Variants in GALNT13 observed in about 807,000 individuals in gnomAD.
GALNT13 encodes UDP-GalNAc:polypeptide N-acetylgalactosaminyltransferase 13.
A neutral mutation model predicts 64.2 loss-of-function variants in GALNT13; 28 were observed. That is an observed-to-expected ratio of 0.44 (90% confidence interval 0.32 to 0.60). The LOEUF is 0.60. Ranked by LOEUF, GALNT13 falls within the 20% of genes least tolerant of loss-of-function variation. GALNT13 has a pLI of 0.05. For missense variants in GALNT13, 577 were observed against 669.8 expected, an observed-to-expected ratio of 0.86 and a Z score of 1.53; for synonymous variants, 214 against 224.6, an observed-to-expected ratio of 0.95 and a Z score of 0.42.
chr2:153,414,439 A>C, the GALNT13 span, among the ~76,000 whole-genome samples: 4 of 151,860 alleles, frequency 2.6e-5, no homozygotes, highest in Non-Finnish European at 5.9e-5. Context: ...AGATTTGATG[A>C]AATGGTGAGC....
the GALNT13 span, among the ~76,000 whole-genome samples, chr2:153,720,561 G>C: frequency 1.3e-5 from 2 of 149,100 alleles, no homozygotes; most frequent in Non-Finnish European, 3.0e-5. Context: ...TGAAAACTTT[G>C]AAAAAAATTT....
the GALNT13 span, among the ~76,000 whole-genome samples, chr2:153,082,253 T>A: frequency 0.99 from 151,213 of 152,052 alleles, 75,198 homozygotes; most frequent in Middle Eastern, 1. Flanking sequence ...TTGTGCACCT[T>A]TCACCCGAGC....
the GALNT13 span, among the ~76,000 whole-genome samples, chr2:153,467,599 A>G: frequency 3.3e-5 from 5 of 151,908 alleles, no homozygotes; most frequent in Admixed American, 3.3e-4. Flanking sequence ...CATTCCCTCC[A>G]TTTTCTTTTT....
chr2:153,260,156 A>G, the GALNT13 span, among the ~76,000 whole-genome samples: 2 of 152,054 alleles, frequency 1.3e-5, no homozygotes, highest in Non-Finnish European at 2.9e-5. Context: ...ATATCCTATT[A>G]TATGGTCTAT....
the GALNT13 span, among the ~76,000 whole-genome samples, chr2:153,509,893 A>T: frequency 6.6e-6 from 1 of 152,212 alleles, no homozygotes; most frequent in Non-Finnish European, 1.5e-5. Context: ...GTAATTAAAA[A>T]TTTTTAGATA....
chr2:153,113,509 C>A, the GALNT13 span, among the ~76,000 whole-genome samples: 4 of 151,850 alleles, frequency 2.6e-5, no homozygotes, highest in Non-Finnish European at 4.4e-5. Flanking sequence ...TTCATATGTG[C>A]TTAGGGAAGC....
chr2:153,079,545 T>G, the GALNT13 span, among the ~76,000 whole-genome samples: 7 of 152,338 alleles, frequency 4.6e-5, no homozygotes, highest in Admixed American at 4.6e-4. Context: ...AAGGAAAAGT[T>G]CACATTCTGT....
chr2:153,835,685 A>G, the GALNT13 span, among the ~76,000 whole-genome samples: 2 of 152,102 alleles, frequency 1.3e-5, no homozygotes, highest in Non-Finnish European at 2.9e-5. Flanking sequence ...AATATAAAAG[A>G]GTGAATTTCA....
At position 154,310,707 on chromosome 2, in the gene GALNT13, G is replaced by A. The variant is rs142985508; in HGVS notation, c.1156+9118G>A. 2.0e-5 allele frequency among the ~76,000 whole-genome samples: 3 copies of A among 152,222 alleles called. No homozygotes were observed. The East Asian group carries it at 5.8e-4, about 29-fold the overall frequency. On this transcript the variant is annotated intron_variant, in intron 9 of 12. Transcript: ENST00000392825. The stretch of plus-strand genomic sequence containing the variant: ...ACCCAAGAGGATATTTCTGAGGGAT[G>A]TGGAAGCATTAAGAATGAGAGCACT...
intron 4 of GALNT13, among the ~76,000 whole-genome samples, chr2:154,147,256 G>T (rs1683662129): frequency 1.3e-5 from 2 of 151,454 alleles, no homozygotes; most frequent in South Asian, 2.1e-4. Flanking sequence ...GGACCTAATT[G>T]TGTACCAATG....
chr2:154,124,597 A>C (rs1332666849), intron 3 of GALNT13, among the ~76,000 whole-genome samples: 1 of 152,058 alleles, frequency 6.6e-6, no homozygotes, highest in Non-Finnish European at 1.5e-5. Context: ...ATTAGAAAGT[A>C]GTAAAATATA....
chr2:153,800,092 C>G, the GALNT13 span, among the ~76,000 whole-genome samples: 1 of 151,382 alleles, frequency 6.6e-6, no homozygotes, highest in Non-Finnish European at 1.5e-5. Flanking sequence ...CTCCACCCCC[C>G]ACCACCACAC....
At chr2:154,245,182 C>A (rs559524871) in intron 6 of GALNT13, among the ~76,000 whole-genome samples, 2 of 145,846 alleles carry the variant, frequency 1.4e-5, no homozygotes, top group African/African-American at 2.8e-5. Context: ...CTTTCCCTAT[C>A]TTAAGCTATC....
chr2:154,031,274 G>C (rs1698319815), intron 3 of GALNT13, among the ~76,000 whole-genome samples: 1 of 151,876 alleles, frequency 6.6e-6, no homozygotes, highest in Non-Finnish European at 1.5e-5. Flanking sequence ...ATTATGTATT[G>C]TAAGTGAATA....
At chr2:154,448,381 G>A (rs1035801759) in intron 12 of GALNT13, among the ~76,000 whole-genome samples, 3 of 151,904 alleles carry the variant, frequency 2.0e-5, no homozygotes, top group Admixed American at 6.6e-5. Flanking sequence ...TAAACAAAAG[G>A]GAAAAACTGT....
At chr2:154,231,169 C>T (rs2105845791) in intron 4 of GALNT13, among the ~76,000 whole-genome samples, 1 of 152,176 alleles carries the variant, frequency 6.6e-6, no homozygotes, top group African/African-American at 2.4e-5. Context: ...CCCCTACCCT[C>T]CTGGAATAAA....
chr2:154,254,919 A>G (rs1302392475), intron 7 of GALNT13, among the ~76,000 whole-genome samples: 1 of 152,142 alleles, frequency 6.6e-6, no homozygotes, highest in Non-Finnish European at 1.5e-5. Flanking sequence ...CCCCTGAGAG[A>G]CCCTTGGGAG....
intron 10 of GALNT13, among the ~76,000 whole-genome samples, chr2:154,400,941 T>A (rs1265470758): frequency 1.5e-5 from 2 of 130,630 alleles, no homozygotes; most frequent in South Asian, 2.6e-4. Context: ...GAAAAAAAAA[T>A]ACATTGTGAA....
chr2:153,980,096 T>G (rs542169576), intron 3 of GALNT13, among the ~76,000 whole-genome samples: 1 of 152,316 alleles, frequency 6.6e-6, no homozygotes, highest in Admixed American at 6.5e-5. Context: ...ATCTCCTTTG[T>G]GCCAAGGCCC....
Sources: allele counts gnomAD v4.1 joint callset (sites outside exome capture counted in the v4.1 genomes callset), GRCh38; gene constraint gnomAD v4.1.1; transcripts MANE v1.5; gene names NCBI Gene and HGNC (gene_info 2026-07-23, HGNC 2026-07-21).